NLRP11: variants seen among roughly 807,000 people sequenced by gnomAD.
NLRP11 encodes NLR family pyrin domain containing 11, also known as NACHT, LRR and PYD domains-containing protein 11.
A neutral mutation model predicts 79.3 loss-of-function variants in NLRP11; 53 were observed. The observed-to-expected ratio is 0.67, with a 90% CI of 0.54 to 0.84. The LOEUF is 0.84. Ranked by LOEUF, NLRP11 falls within the 40% of genes least tolerant of loss-of-function variation. The pLI is 0.00. For synonymous variants in NLRP11, 518 were observed against 462.6 expected, an observed-to-expected ratio of 1.12 and a Z score of -1.54; for missense variants, 1,264 against 1,255.0, an observed-to-expected ratio of 1.01 and a Z score of -0.11.
upstream of NLRP11, among the ~76,000 whole-genome samples, chr19:55,833,765 CAAAAAAAAAAAAAAAAA>C (rs71182919): frequency 2.1e-4 from 5 of 23,486 alleles, no homozygotes; most frequent in Admixed American, 1.2e-3. Context: ...GACTCCGTCT[CAAAAAAAAAAAAAAAAA>C]AAAAAAAAAG....
rs751051145 is a variant in NLRP11, at chr19:55,796,064, G to A, written c.2342+16C>T. 1.2e-5 allele frequency: 19 copies of A among 1,601,492 alleles called. No homozygotes were observed. In the Admixed American group the frequency reaches 1.8e-4, roughly 16 times the overall value. On this transcript the variant is annotated intron_variant, in intron 6 of 9. Transcript: ENST00000589093. Reference sequence around the variant, plus strand: ...GTCTGAGCTTCTACGTGGTGAGCTCGTCTAAGCCAACTTACACCAGTGATA... The same window carrying A: ...GTCTGAGCTTCTACGTGGTGAGCTCATCTAAGCCAACTTACACCAGTGATA...
chr19:55,799,192 G>A (rs1431052384), intron 5 of NLRP11, among the ~76,000 whole-genome samples: 3 of 152,052 alleles, frequency 2.0e-5, no homozygotes, highest in Admixed American at 6.6e-5. Flanking sequence ...GCTTGAACCC[G>A]GGAGGCAGAG....
At chr19:55,827,445 C>A (rs1257398867) in intron 1 of NLRP11, among the ~76,000 whole-genome samples, 3 of 150,714 alleles carry the variant, frequency 2.0e-5, no homozygotes, top group Non-Finnish European at 2.9e-5. Context: ...AGCTTCTGCA[C>A]AGCAAAAGAA....
chr19:55,804,200 T>C (rs1458413628), intron 4 of NLRP11, among the ~76,000 whole-genome samples: 1 of 152,180 alleles, frequency 6.6e-6, no homozygotes, highest in Non-Finnish European at 1.5e-5. Flanking sequence ...CGGAAAGCAG[T>C]GTAGTGATTC....
chr19:55,802,646 G>T (rs1979591144), intron 4 of NLRP11, among the ~76,000 whole-genome samples: 1 of 152,108 alleles, frequency 6.6e-6, no homozygotes, highest in Non-Finnish European at 1.5e-5. Flanking sequence ...ATTCTTCACA[G>T]AAACTAGAAG....
intron 2 of NLRP11, among the ~76,000 whole-genome samples, chr19:55,813,185 C>T (rs561388504): frequency 4.6e-5 from 7 of 151,966 alleles, no homozygotes; most frequent in East Asian, 1.9e-4. Flanking sequence ...AAAATTAGCC[C>T]GGCATGGTGG....
chr19:55,831,109 A>T (rs1047858451), intron 1 of NLRP11, among the ~76,000 whole-genome samples: 1 of 9,504 alleles, frequency 1.1e-4, no homozygotes, highest in African/African-American at 4.0e-4. Context: ...CACCCCCCCC[A>T]TCCCCCCCAC....
chr19:55,818,061 T>C (rs1981320160), exon 2 of NLRP11: 4 of 1,614,180 alleles, frequency 2.5e-6, no homozygotes, highest in Non-Finnish European at 3.4e-6. Context: ...ACTGTGGCAG[T>C]TTGAAATCAA....
At chr19:55,828,563 C>T (rs1982445726) in intron 1 of NLRP11, among the ~76,000 whole-genome samples, 1 of 152,090 alleles carries the variant, frequency 6.6e-6, no homozygotes, top group South Asian at 2.1e-4. Flanking sequence ...GCCACTGCAG[C>T]CCCAATTAAG....
intron 2 of NLRP11, among the ~76,000 whole-genome samples, chr19:55,811,681 T>TA (rs5828647): frequency 0.019 from 2,961 of 152,022 alleles, 47 homozygotes; most frequent in South Asian, 0.073. Flanking sequence ...TAGTATACAA[T>TA]AAAAAAATTG....
At chr19:55,831,110 T>A (rs906717258) in intron 1 of NLRP11, among the ~76,000 whole-genome samples, 63 of 10,016 alleles carry the variant, frequency 6.3e-3, no homozygotes, top group Admixed American at 0.013. Context: ...ACCCCCCCCA[T>A]CCCCCCCACC....
chr19:55,823,177 T>C (rs569258053), intron 1 of NLRP11, among the ~76,000 whole-genome samples: 1,926 of 138,934 alleles, frequency 0.014, 24 homozygotes, highest in Admixed American at 0.016. Context: ...CGGCAGGGTA[T>C]TCCAACAGAC....
Position 55,809,374 on chromosome 19 carries a change from G to T in NLRP11, c.1236C>A (p.Phe412Leu). The change falls in exon 3 of 10, where the codon TTC (phenylalanine) becomes TTA (leucine). Residue 412 changes from phenylalanine to leucine, a missense_variant. Phe to Leu is a conservative substitution (Grantham distance 22). Coordinates refer to ENST00000589093, the Ensembl canonical transcript of NLRP11. This position sits in a 1 kb window ranked among gnomAD's most constrained non-coding sequence, Gnocchi z 4.5. ...CAACACATCTGAGGTCTTCACCACT[G>T]AAATTCAGGGTGCTCAGAAACAGTC... 8 of 1,614,156 alleles carry T rather than the reference G, an allele frequency of 5.0e-6. No individual in the cohort carries two copies. Among genetic ancestry groups the T allele is most frequent in the Non-Finnish European group, 5.9e-6 (7 of 1,180,042 alleles).
At chr19:55,787,270 T>C (rs1989936359) in intron 9 of NLRP11, among the ~76,000 whole-genome samples, 2 of 152,236 alleles carry the variant, frequency 1.3e-5, no homozygotes, top group South Asian at 4.1e-4. Context: ...TCTAAATGGC[T>C]TCTAACAATC....
intron 3 of NLRP11, among the ~76,000 whole-genome samples, 165 bp downstream of exon 3, chr19:55,808,604 G>A (rs1980240446): frequency 6.6e-6 from 1 of 152,172 alleles, no homozygotes; most frequent in South Asian, 2.1e-4. Flanking sequence ...CAAACTTTGA[G>A]TTTAAACAGA....
chr19:55,800,436 T>C (rs566857997), intron 5 of NLRP11, among the ~76,000 whole-genome samples: 3 of 152,322 alleles, frequency 2.0e-5, no homozygotes, highest in South Asian at 4.1e-4. Context: ...CCCTCTCGCA[T>C]AGCTGGGATT....
intron 6 of NLRP11, 152 bp downstream of exon 6, chr19:55,795,928 G>C (rs1022141445): frequency 8.4e-6 from 5 of 598,484 alleles, no homozygotes; most frequent in African/African-American, 7.4e-5. Context: ...TGTCAACCCA[G>C]AGTATTAACC....
intron 5 of NLRP11, among the ~76,000 whole-genome samples, chr19:55,797,754 C>T (rs1010028737): frequency 3.3e-5 from 5 of 152,140 alleles, no homozygotes; most frequent in Admixed American, 6.6e-5. Flanking sequence ...GAGTCAGAAG[C>T]TCTGACTTAA....
At chr19:55,786,757 C>A (rs1989903364) in intron 9 of NLRP11, among the ~76,000 whole-genome samples, 1 of 152,044 alleles carries the variant, frequency 6.6e-6, no homozygotes. Context: ...ATATCCCTGG[C>A]ATCATGGAGC....
Sources: gnomAD v4.1 joint callset for allele counts (sites outside exome capture counted in the v4.1 genomes callset) on GRCh38, gnomAD v4.1.1 for gene constraint, Gnocchi (gnomAD v3.1) non-coding constraint, MANE v1.5 for transcripts, NCBI Gene and HGNC (gene_info 2026-07-23, HGNC 2026-07-21) for gene names.